The following NOS1AP variants were observed in gnomAD, a reference collection of about 807,000 sequenced individuals.
NOS1AP encodes the protein carboxyl-terminal PDZ ligand of neuronal nitric oxide synthase protein.
Under a neutral mutation model 56.2 loss-of-function variants are expected in NOS1AP, and 21 were observed. The observed-to-expected ratio is 0.37, with a 90% confidence interval of 0.26 to 0.54. The LOEUF (loss-of-function observed/expected upper bound fraction) is 0.54, where lower values mean the gene tolerates loss of function less well. Ranked by LOEUF, NOS1AP falls within the 20% of genes least tolerant of loss-of-function variation. The pLI is 0.84. For missense variants in NOS1AP, 522 were observed against 657.8 expected (o/e 0.79, Z 2.26); for synonymous variants, 270 against 274.6 (o/e 0.98, Z 0.17).
At chr1:162,287,003 A>T (rs932720015) in intron 2 of NOS1AP, among the ~76,000 whole-genome samples, 2 of 152,218 alleles carry the variant, frequency 1.3e-5, no homozygotes, top group African/African-American at 4.8e-5. Context: ...AGACACTAGG[A>T]ATACTTGCCT....
intron 2 of NOS1AP, among the ~76,000 whole-genome samples, chr1:162,168,549 G>C (rs1650613106): frequency 6.6e-6 from 1 of 152,200 alleles, no homozygotes; most frequent in South Asian, 2.1e-4. Flanking sequence ...CCCTGGCAAG[G>C]GTTGCCTGCT....
intron 5 of NOS1AP, among the ~76,000 whole-genome samples, chr1:162,336,015 A>G (rs936705814): frequency 6.6e-6 from 1 of 152,094 alleles, no homozygotes; most frequent in African/African-American, 2.4e-5. Context: ...TCCTTGAGCT[A>G]AGTTTTTTTT....
At chr1:162,155,672 A>C (rs971266741) in intron 2 of NOS1AP, among the ~76,000 whole-genome samples, 2 of 152,172 alleles carry the variant, frequency 1.3e-5, no homozygotes, top group African/African-American at 4.8e-5. Context: ...ACTCTGTGGT[A>C]CATGAAGCTG....
chr1:162,100,812 GT>G (rs1013858348), intron 1 of NOS1AP, among the ~76,000 whole-genome samples: 1 of 151,994 alleles, frequency 6.6e-6, no homozygotes, highest in African/African-American at 2.4e-5. Context: ...ATTTGTTTAA[GT>G]TCCTCATAGA....
At chr1:162,288,708 G>A (rs1655166313) in intron 3 of NOS1AP, among the ~76,000 whole-genome samples, 1 of 152,148 alleles carries the variant, frequency 6.6e-6, no homozygotes, top group Non-Finnish European at 1.5e-5. Context: ...TTCATTGGTG[G>A]TTTTAGAAAG....
At chr1:162,194,273 G>A (rs893282126) in intron 2 of NOS1AP, among the ~76,000 whole-genome samples, 1 of 152,070 alleles carries the variant, frequency 6.6e-6, no homozygotes, top group African/African-American at 2.4e-5. Context: ...TACTTTAATA[G>A]AGCAGAGAGT....
intron 2 of NOS1AP, among the ~76,000 whole-genome samples, chr1:162,267,468 T>G (rs953203012): frequency 2.0e-5 from 3 of 151,990 alleles, no homozygotes; most frequent in African/African-American, 4.8e-5. Context: ...ATAATAACTT[T>G]TTACAAGACA....
chr1:162,266,818 C>G (rs1163830250), intron 2 of NOS1AP, among the ~76,000 whole-genome samples: 1 of 152,166 alleles, frequency 6.6e-6, no homozygotes, highest in Non-Finnish European at 1.5e-5. Context: ...ATCTTTTGTG[C>G]TTTTCTCCCA....
At chr1:162,155,071 A>G (rs1172880843) in intron 2 of NOS1AP, among the ~76,000 whole-genome samples, 1 of 151,792 alleles carries the variant, frequency 6.6e-6, no homozygotes, top group Non-Finnish European at 1.5e-5. Context: ...TGTTGCCTGG[A>G]TAAGGGAGGA....
At chr1:162,285,147 G>A (rs530175727) in intron 2 of NOS1AP, among the ~76,000 whole-genome samples, 1 of 152,180 alleles carries the variant, frequency 6.6e-6, no homozygotes, top group Non-Finnish European at 1.5e-5. Context: ...GCCCTCTTCT[G>A]GGTGTTTCTG....
chr1:162,077,408 A>C (rs770624794), intron 1 of NOS1AP, among the ~76,000 whole-genome samples: 4 of 151,602 alleles, frequency 2.6e-5, no homozygotes, highest in Non-Finnish European at 5.9e-5. Flanking sequence ...TTTTCTTTGG[A>C]GAAATGTCTA....
chr1:162,072,144 A>G (rs943709133), intron 1 of NOS1AP, among the ~76,000 whole-genome samples: 1 of 152,140 alleles, frequency 6.6e-6, no homozygotes, highest in Non-Finnish European at 1.5e-5. Flanking sequence ...TTATTTTATC[A>G]CAGTTCAGTC....
At chr1:162,295,681 T>C (rs1196808678) in intron 3 of NOS1AP, among the ~76,000 whole-genome samples, 1 of 152,220 alleles carries the variant, frequency 6.6e-6, no homozygotes, top group Non-Finnish European at 1.5e-5. Context: ...CAAATTGTTC[T>C]TGAATTAAGA....
At chr1:162,339,051 G>A (rs1657024095) in intron 5 of NOS1AP, among the ~76,000 whole-genome samples, 1 of 152,146 alleles carries the variant, frequency 6.6e-6, no homozygotes, top group Non-Finnish European at 1.5e-5. Context: ...AAAGATGGGT[G>A]GTTTGAAGAA....
At chr1:162,222,578 G>A (rs1261102454) in intron 2 of NOS1AP, among the ~76,000 whole-genome samples, 2 of 152,010 alleles carry the variant, frequency 1.3e-5, no homozygotes, top group Admixed American at 1.3e-4. Flanking sequence ...AATATTTAAT[G>A]CAAATTATTT....
intron 2 of NOS1AP, among the ~76,000 whole-genome samples, chr1:162,241,033 C>A (rs1438886140): frequency 6.6e-6 from 1 of 152,160 alleles, no homozygotes; most frequent in Non-Finnish European, 1.5e-5. Flanking sequence ...CTTCTCAAGA[C>A]ATGTACTGGC....
At chr1:162,152,368 C>T (rs1303004724) in intron 1 of NOS1AP, among the ~76,000 whole-genome samples, 1 of 152,186 alleles carries the variant, frequency 6.6e-6, no homozygotes, top group East Asian at 1.9e-4. Context: ...GCACAGCATT[C>T]AGGGCAGGAG....
At chr1:162,076,426 C>G (rs1691768693) in intron 1 of NOS1AP, among the ~76,000 whole-genome samples, 1 of 152,118 alleles carries the variant, frequency 6.6e-6, no homozygotes. Context: ...CTATTGAGTT[C>G]CCTCCTTTCT....
chr1:162,341,222 G>C (rs1657096863), intron 5 of NOS1AP, among the ~76,000 whole-genome samples: 1 of 152,176 alleles, frequency 6.6e-6, no homozygotes, highest in Non-Finnish European at 1.5e-5. Flanking sequence ...GGAAGTATCT[G>C]TGATTTACAG....
Sources: allele counts gnomAD v4.1 joint callset (sites outside exome capture counted in the v4.1 genomes callset), GRCh38; gene constraint gnomAD v4.1.1; transcripts MANE v1.5; gene names NCBI Gene and HGNC (gene_info 2026-07-23, HGNC 2026-07-21).